The following PLCXD3 variants were observed in gnomAD, a reference collection of about 807,000 sequenced individuals.
The protein encoded by PLCXD3 is phosphatidylinositol specific phospholipase C X domain containing 3.
Under a neutral mutation model 25.5 loss-of-function variants are expected in PLCXD3, and 19 were observed. That is an observed-to-expected ratio of 0.75 (90% CI 0.52 to 1.09). The LOEUF (loss-of-function observed/expected upper bound fraction) is 1.09, where lower values mean the gene tolerates loss of function less well. Ranked by LOEUF, PLCXD3 falls within the 50% of genes least tolerant of loss-of-function variation. The pLI is 0.00. For synonymous variants in PLCXD3, 174 were observed against 137.6 expected (o/e 1.26, Z -1.85); for missense variants, 411 against 388.1 (o/e 1.06, Z -0.50).
intron 1 of PLCXD3, among the ~76,000 whole-genome samples, chr5:41,490,859 A>G (rs904658244): frequency 5.3e-5 from 8 of 151,996 alleles, no homozygotes; most frequent in Non-Finnish European, 1.0e-4. Flanking sequence ...AAGTCTATCA[A>G]TTTTGTTGAT....
At chr5:41,431,994 G>A (rs1484550047) in intron 1 of PLCXD3, among the ~76,000 whole-genome samples, 3 of 152,146 alleles carry the variant, frequency 2.0e-5, no homozygotes, top group Non-Finnish European at 4.4e-5. Context: ...CGCAGGAGAA[G>A]CTAGTTAGGG....
At chr5:41,452,117 G>C (rs1580380086) in intron 1 of PLCXD3, among the ~76,000 whole-genome samples, 1 of 152,004 alleles carries the variant, frequency 6.6e-6, no homozygotes, top group Non-Finnish European at 1.5e-5. Context: ...CCCTGATTCT[G>C]TCTCCCAAAT....
At chr5:41,358,301 T>G (rs375334803) in intron 2 of PLCXD3, among the ~76,000 whole-genome samples, 2 of 152,204 alleles carry the variant, frequency 1.3e-5, no homozygotes, top group East Asian at 3.8e-4. Flanking sequence ...CTACTTATTT[T>G]TTTTATTTCT....
intron 2 of PLCXD3, among the ~76,000 whole-genome samples, chr5:41,327,945 A>G (rs1743682427): frequency 6.6e-6 from 1 of 152,158 alleles, no homozygotes; most frequent in Non-Finnish European, 1.5e-5. Context: ...CGCTGGGATT[A>G]CAGGCCTGAG....
chr5:41,485,892 T>A (rs374404331), intron 1 of PLCXD3, among the ~76,000 whole-genome samples: 10 of 152,132 alleles, frequency 6.6e-5, no homozygotes, highest in Non-Finnish European at 8.8e-5. Context: ...TGTTCCAAAT[T>A]TTTTTTAGTA....
At chr5:41,327,809 A>G (rs2150472564) in intron 2 of PLCXD3, among the ~76,000 whole-genome samples, 1 of 152,046 alleles carries the variant, frequency 6.6e-6, no homozygotes, top group South Asian at 2.1e-4. Flanking sequence ...TAGATGTTGG[A>G]TTTTTTCTTT....
chr5:41,462,744 CA>C (rs1191246588), intron 1 of PLCXD3, among the ~76,000 whole-genome samples: 1 of 151,500 alleles, frequency 6.6e-6, no homozygotes, highest in Non-Finnish European at 1.5e-5. Flanking sequence ...GAGATCGCAT[CA>C]TTTCACTCCA....
At chr5:41,342,752 A>G (rs965778551) in intron 2 of PLCXD3, among the ~76,000 whole-genome samples, 2 of 152,192 alleles carry the variant, frequency 1.3e-5, no homozygotes, top group Non-Finnish European at 2.9e-5. Flanking sequence ...ATAAAATATT[A>G]GTAGAAAAGG....
chr5:41,342,083 G>T (rs1050495937), intron 2 of PLCXD3, among the ~76,000 whole-genome samples: 3 of 152,166 alleles, frequency 2.0e-5, no homozygotes, highest in Non-Finnish European at 4.4e-5. Context: ...GAAAGGATTT[G>T]TTACTTTTGG....
At chr5:41,394,969 C>T (rs1007714685) in intron 1 of PLCXD3, among the ~76,000 whole-genome samples, 2 of 152,048 alleles carry the variant, frequency 1.3e-5, no homozygotes, top group African/African-American at 4.8e-5. Flanking sequence ...GCATCATAGA[C>T]CAAATGGATC....
At chr5:41,473,520 G>A (rs554840862) in intron 1 of PLCXD3, among the ~76,000 whole-genome samples, 49 of 151,986 alleles carry the variant, frequency 3.2e-4, no homozygotes, top group South Asian at 8.3e-4. Context: ...AGGCTGGAGC[G>A]CAGGCTCCGC....
chr5:41,399,120 C>T (rs1299431017), intron 1 of PLCXD3, among the ~76,000 whole-genome samples: 1 of 151,910 alleles, frequency 6.6e-6, no homozygotes, highest in Non-Finnish European at 1.5e-5. Context: ...AAATTAAATA[C>T]CTAGGAATTA....
At chr5:41,325,217 C>A (rs1215025070) in intron 2 of PLCXD3, among the ~76,000 whole-genome samples, 1 of 152,126 alleles carries the variant, frequency 6.6e-6, no homozygotes, top group Non-Finnish European at 1.5e-5. Flanking sequence ...TTTAAAATAT[C>A]ATTCCTCTGA....
chr5:41,421,286 G>C (rs1746814864), intron 1 of PLCXD3, among the ~76,000 whole-genome samples: 2 of 152,014 alleles, frequency 1.3e-5, no homozygotes, highest in African/African-American at 2.4e-5. Context: ...TTTTTTAATT[G>C]TCTTCTGGAC....
chr5:41,314,039 C>T (rs1038042825), intron 2 of PLCXD3, among the ~76,000 whole-genome samples: 2 of 152,146 alleles, frequency 1.3e-5, no homozygotes, highest in Admixed American at 1.3e-4. Context: ...TGCTTCCCTA[C>T]TAAGAAAACA....
chr5:41,317,841 A>G (rs1423385431), intron 2 of PLCXD3, among the ~76,000 whole-genome samples: 1 of 152,114 alleles, frequency 6.6e-6, no homozygotes, highest in African/African-American at 2.4e-5. Context: ...AAAATAATAA[A>G]AAACAATGAA....
At chr5:41,372,975 C>T (rs906850850) in intron 2 of PLCXD3, among the ~76,000 whole-genome samples, 9 of 151,966 alleles carry the variant, frequency 5.9e-5, no homozygotes, top group Non-Finnish European at 1.0e-4. Flanking sequence ...ACCTGGGAGG[C>T]GGAGGTTGCA....
chr5:41,390,226 C>G (rs998150502), intron 1 of PLCXD3, among the ~76,000 whole-genome samples: 1 of 151,824 alleles, frequency 6.6e-6, no homozygotes, highest in African/African-American at 2.4e-5. Flanking sequence ...CAACAGTATT[C>G]CATCATTTGC....
At chr5:41,446,432 A>ATCTGAC (rs1428162760) in intron 1 of PLCXD3, among the ~76,000 whole-genome samples, 2 of 151,980 alleles carry the variant, frequency 1.3e-5, no homozygotes, top group Non-Finnish European at 2.9e-5. Flanking sequence ...TTGGGCTGTG[A>ATCTGAC]TCTGACTCAA....
Sources: gnomAD v4.1 joint callset for allele counts (sites outside exome capture counted in the v4.1 genomes callset) on GRCh38, gnomAD v4.1.1 for gene constraint, MANE v1.5 for transcripts, NCBI Gene and HGNC (gene_info 2026-07-23, HGNC 2026-07-21) for gene names.